Variants in EYA2 observed in about 807,000 individuals in gnomAD.
The protein encoded by EYA2 is protein phosphatase EYA2.
EYA2 carries 31 observed loss-of-function variants against 69.2 expected under a neutral mutation model. The observed-to-expected ratio is 0.45, with a 90% CI of 0.34 to 0.60. The LOEUF is 0.60. EYA2 is among the 20% of genes least tolerant of loss of function. EYA2 has a pLI of 0.02. For missense variants in EYA2, 622 were observed against 701.2 expected, an observed-to-expected ratio of 0.89 and a Z score of 1.28; for synonymous variants, 257 against 279.4, an observed-to-expected ratio of 0.92 and a Z score of 0.80.
chr20:47,121,386 C>G (rs9753692), intron 9 of EYA2, among the ~76,000 whole-genome samples: 1 of 152,180 alleles, frequency 6.6e-6, no homozygotes, highest in African/African-American at 2.4e-5. Context: ...AGCCACCGTG[C>G]CCCGCCAGAA....
intron 4 of EYA2, among the ~76,000 whole-genome samples, chr20:47,008,674 C>T (rs990242330): frequency 1.3e-5 from 2 of 152,200 alleles, no homozygotes; most frequent in Non-Finnish European, 2.9e-5. Flanking sequence ...AGCGTCTGCT[C>T]CTGGATGATA....
intron 4 of EYA2, among the ~76,000 whole-genome samples, chr20:47,014,519 G>T (rs151188928): frequency 6.6e-6 from 1 of 152,252 alleles, no homozygotes; most frequent in Non-Finnish European, 1.5e-5. Flanking sequence ...ACAATCTAGG[G>T]AGCACCATTC....
At chr20:46,965,686 AGACG>A (rs1469140220) in intron 1 of EYA2, among the ~76,000 whole-genome samples, 1 of 152,244 alleles carries the variant, frequency 6.6e-6, no homozygotes, top group East Asian at 1.9e-4. Context: ...TCAGCCTCCT[AGACG>A]CTCTGAGTCT....
intron 1 of EYA2, among the ~76,000 whole-genome samples, chr20:46,903,766 GTTA>G (rs768931643): frequency 6.6e-6 from 1 of 151,868 alleles, no homozygotes; most frequent in Non-Finnish European, 1.5e-5. Context: ...GTCAGCTACA[GTTA>G]TTATTATTAT....
At chr20:47,039,834 A>ATTTTTTTT (rs1984938081) in intron 5 of EYA2, among the ~76,000 whole-genome samples, 5 of 34,732 alleles carry the variant, frequency 1.4e-4, no homozygotes, top group Admixed American at 2.6e-4. Flanking sequence ...AAGATCAAAT[A>ATTTTTTTT]CTTTTTTTTT....
chr20:47,007,752 A>G (rs1982804985), intron 4 of EYA2, among the ~76,000 whole-genome samples: 1 of 151,936 alleles, frequency 6.6e-6, no homozygotes, highest in South Asian at 2.1e-4. Context: ...AGTAGCTGGG[A>G]CTACAGGCAC....
At chr20:46,998,113 A>G in intron 2 of EYA2, 1 of 164,798 alleles carries the variant, frequency 6.1e-6, no homozygotes, top group Non-Finnish European at 1.3e-5. Context: ...ATTCAGTGGC[A>G]CTGCCAAGGC....
intron 5 of EYA2, among the ~76,000 whole-genome samples, chr20:47,046,268 T>G (rs1196085212): frequency 6.6e-6 from 1 of 152,154 alleles, no homozygotes; most frequent in Non-Finnish European, 1.5e-5. Flanking sequence ...CTCCCAAAGG[T>G]CTCACCTCCA....
chr20:46,905,193 CAA>C (rs11475669), intron 1 of EYA2, among the ~76,000 whole-genome samples: 36,905 of 149,170 alleles, frequency 0.25, 5,917 homozygotes, highest in Non-Finnish European at 0.35. Context: ...TTAATCCTCT[CAA>C]AAAAAAAAAA....
intron 2 of EYA2, among the ~76,000 whole-genome samples, chr20:46,999,993 ATCGTCAGC>A (rs1344487034): frequency 2.0e-5 from 3 of 152,186 alleles, no homozygotes. Context: ...AATGACTGTC[ATCGTCAGC>A]TGTAGTGTCA....
chr20:47,010,175 T>C (rs914661019), intron 4 of EYA2, among the ~76,000 whole-genome samples: 4 of 152,240 alleles, frequency 2.6e-5, no homozygotes, highest in African/African-American at 9.6e-5. Flanking sequence ...CATTCTTCAC[T>C]ATCCTGGATA....
intron 1 of EYA2, among the ~76,000 whole-genome samples, chr20:46,982,775 C>CTTTTT (rs10701469): frequency 1.5e-5 from 2 of 137,412 alleles, no homozygotes; most frequent in African/African-American, 2.7e-5. Flanking sequence ...CTGTAATTTC[C>CTTTTT]TTTTTTTTTT....
At chr20:47,078,308 CAT>C (rs1158753333) in intron 7 of EYA2, among the ~76,000 whole-genome samples, 2 of 140,960 alleles carry the variant, frequency 1.4e-5, no homozygotes, top group Non-Finnish European at 3.1e-5. Flanking sequence ...TGTGTGTGCA[CAT>C]GTGCACGTGC....
At chr20:47,121,240 C>T (rs1275314434) in intron 9 of EYA2, among the ~76,000 whole-genome samples, 1 of 152,092 alleles carries the variant, frequency 6.6e-6, no homozygotes. Context: ...TACAGGCACC[C>T]GCCGCCACAC....
At chr20:47,057,426 G>T (rs1193441433) in intron 5 of EYA2, among the ~76,000 whole-genome samples, 1 of 151,888 alleles carries the variant, frequency 6.6e-6, no homozygotes, top group Non-Finnish European at 1.5e-5. Flanking sequence ...GCTTGAGTGG[G>T]TGAATTTTGT....
chr20:46,918,378 G>A lies in EYA2; in HGVS notation c.-11+23391G>A, dbSNP rs952386185. On this transcript the variant is annotated intron_variant, in intron 1 of 15. Transcript: ENST00000327619. ...AGCTGATGTGCAATGGCACGATCTC[G>A]GCTCACTGCAACCTCTACCTCTGGG... 5.3e-5 allele frequency among the ~76,000 whole-genome samples: 8 copies of A among 150,438 alleles called. No homozygotes were observed. The South Asian group carries it at 9.0e-4, about 17-fold the overall frequency.
chr20:47,143,100 G>C lies in EYA2; in HGVS notation c.930G>C (p.Glu310Asp). The change falls in exon 10 of 16, where the codon GAG becomes GAC. Residue 310 changes from glutamate (E) to aspartate (D), a missense_variant. Around this residue, in one of 2 missense-constraint regions of EYA2, gnomAD observed 257 missense variants for 351.5 expected, o/e 0.73. Transcript: ENST00000327619. The part of the protein sequence containing the change: ...TSVRIGLMME[E>D]MIFNLADTHL... ...TGCGCATTGGCCTTATGATGGAAGA[G>C]ATGATCTTCAACCTTGCAGATACAC... The C allele has an allele frequency of 1.2e-6, 2 of 1,613,938 alleles. No homozygotes were observed. The highest frequency in any genetic ancestry group is 1.7e-6 in the Non-Finnish European group (2 of 1,179,932).
chr20:47,146,497 T>G (rs2033702509), intron 10 of EYA2, among the ~76,000 whole-genome samples: 1 of 152,234 alleles, frequency 6.6e-6, no homozygotes, highest in South Asian at 2.1e-4. Flanking sequence ...GAAGCCAGTT[T>G]GTTTTTATTT....
At chr20:47,039,548 T>A (rs1381243764) in intron 5 of EYA2, among the ~76,000 whole-genome samples, 1 of 152,242 alleles carries the variant, frequency 6.6e-6, no homozygotes, top group African/African-American at 2.4e-5. Context: ...GAAATGCGTT[T>A]TATATTTTAA....
Sources: gnomAD v4.1 joint callset for allele counts (sites outside exome capture counted in the v4.1 genomes callset) on GRCh38, gnomAD v4.1.1 for gene constraint, gnomAD v4.1.1 regional missense constraint, MANE v1.5 for transcripts, NCBI Gene and HGNC (gene_info 2026-07-23, HGNC 2026-07-21) for gene names.